ZNF135: variants seen among roughly 807,000 people sequenced by gnomAD.
ZNF135 encodes zinc finger protein 135.
Under a neutral mutation model 12.3 loss-of-function variants are expected in ZNF135, and 11 were observed. The ratio of observed to expected loss-of-function variants is 0.89; its 90% confidence interval spans 0.56 to 1.48. The LOEUF is 1.48. Among genes scored for constraint, ZNF135 ranks in the 40% most tolerant of loss-of-function variants. The pLI is 0.00. For synonymous variants in ZNF135, 316 were observed against 312.0 expected, an observed-to-expected ratio of 1.01 and a Z score of -0.14; for missense variants, 722 against 815.7, an observed-to-expected ratio of 0.89 and a Z score of 1.40.
intron 3 of ZNF135, among the ~76,000 whole-genome samples, chr19:58,062,453 G>A (rs2073997554): frequency 6.6e-6 from 1 of 152,070 alleles, no homozygotes; most frequent in South Asian, 2.1e-4. Context: ...TGCGATCTCG[G>A]CTCACTGCAA....
Position 58,068,535 on chromosome 19 carries a change from C to G in ZNF135, c.*74C>G, listed in dbSNP as rs2074118768. 3 of 1,523,524 alleles carry G rather than the reference C, an allele frequency of 2.0e-6. No individual in the cohort carries two copies. Among genetic ancestry groups the G allele is most frequent in the South Asian group, 2.5e-5 (2 of 80,014 alleles). 94.4% of individuals were successfully genotyped at this position (1,523,524 alleles called of 1,614,324 possible). The stretch of plus-strand genomic sequence containing the variant: ...CATCCCTTTCTAGATTTGACCCAAT[C>G]ATACACATGAGAAACGTACATTCAT... On this transcript the variant is annotated 3_prime_UTR_variant, in exon 5 of 5. Transcript: ENST00000313434.
rs2074072391 is a variant in ZNF135 at position 58,066,724 on chromosome 19, G to A, written c.257-17G>A. ...GAACAGAGATTAAGGGACATTTCCA[G>A]TTTTTGCTTCTTTCAGACTTGGAAA... On this transcript the variant is annotated splice_polypyrimidine_tract_variant and intron_variant, in intron 4 of 4. Transcript: ENST00000313434. 7 of 1,612,790 alleles carry A rather than the reference G, an allele frequency of 4.3e-6. No homozygotes were observed. The East Asian group carries it at 1.6e-4, about 36-fold the overall frequency.
chr19:58,066,491 C>T (rs2074067893), intron 4 of ZNF135, among the ~76,000 whole-genome samples: 1 of 152,026 alleles, frequency 6.6e-6, no homozygotes, highest in Non-Finnish European at 1.5e-5. Flanking sequence ...TTTTTTCCTC[C>T]CTCTCCTCTT....
rs779022901 is a variant in ZNF135, at chr19:58,068,481, G to A, written c.*20G>A. On this transcript the variant is annotated 3_prime_UTR_variant, in exon 5 of 5. Transcript: ENST00000313434. ...GGATAAACCCACTCCACATGTGCTG[G>A]GGACATAGGAAGACCTTAAGCCATA... 1.4e-5 allele frequency: 22 copies of A among 1,608,452 alleles called. No individual in the cohort carries two copies. The highest frequency in any genetic ancestry group is 3.4e-6 in the Non-Finnish European group (4 of 1,177,024).
At chr19:58,066,613 G>T (rs564706409) in intron 4 of ZNF135, 128 bp from the exon 5 acceptor site, 225 of 1,301,294 alleles carry the variant, frequency 1.7e-4, no homozygotes, top group Non-Finnish European at 1.8e-4. Context: ...ATTTTTAAAT[G>T]GTCAAAGCCA....
chr19:58,060,253 C>T lies in ZNF135; in HGVS notation c.33+218C>T, dbSNP rs1260463797. ...CGCGCACCTGGCCTCTACTGGTGCC[C>T]GGCCTCTACTCGTGCCCGGCCTCTA... On this transcript the variant is annotated intron_variant, in intron 2 of 4. Transcript: ENST00000313434. The surrounding 1 kb of genome is among the most constrained non-coding windows in gnomAD (Gnocchi z 4.9). 1.5e-5 allele frequency: 5 copies of T among 328,512 alleles called. No homozygotes were observed. Among genetic ancestry groups the T allele is most frequent in the Non-Finnish European group, 2.2e-5 (5 of 227,692 alleles). The allele number at this position is 328,512 out of a possible 1,614,324, so 20.3% of individuals were successfully genotyped here.
Position 58,059,916 on chromosome 19 carries a change from G to A in ZNF135, c.-34-53G>A. 1 of 1,598,882 alleles carries A rather than the reference G, an allele frequency of 6.3e-7. No individual in the cohort carries two copies. Among genetic ancestry groups the A allele is most frequent in the South Asian group, 1.1e-5 (1 of 90,440 alleles). ...CTCTGGCGCAGTTCCCCGGCTTGGG[G>A]ACCTGAGCACCGCCTCTGCCTGCCC... On this transcript the variant is annotated intron_variant, in intron 1 of 4. Coordinates refer to ENST00000313434, the MANE Select transcript of ZNF135 (RefSeq NM_001289401.2). The surrounding 1 kb of genome is among the most constrained non-coding windows in gnomAD (Gnocchi z 6.5).
chr19:58,066,214 T>G (rs1244586161), intron 4 of ZNF135, among the ~76,000 whole-genome samples: 1 of 152,192 alleles, frequency 6.6e-6, no homozygotes, highest in East Asian at 1.9e-4. Context: ...TGGGGAGCAG[T>G]TAGGTTCCTT....
chr19:58,061,762 C>T, intron 3 of ZNF135, 56 bp downstream of exon 3: 4 of 1,547,758 alleles, frequency 2.6e-6, no homozygotes, highest in Non-Finnish European at 2.6e-6. Flanking sequence ...GATTCTGATT[C>T]TACCAGGTTA....
rs1218494195 is a variant in ZNF135 at position 58,061,820 on chromosome 19, T to A, written c.160+114T>A. The A allele has an allele frequency of 2.9e-6, 4 of 1,360,632 alleles. No individual in the cohort carries two copies. The African/African-American group carries it at 6.0e-5, about 20-fold the overall frequency. 84.3% of individuals were successfully genotyped at this position (1,360,632 alleles called of 1,614,324 possible). On this transcript the variant is annotated intron_variant, in intron 3 of 4. Transcript: ENST00000313434. Reference sequence around the variant, plus strand: ...AAAAGCAAATGCCTGGGGCTGTATGTCTTGGGCTTTAAGAACCTGACTGTT... The same window carrying A: ...AAAAGCAAATGCCTGGGGCTGTATGACTTGGGCTTTAAGAACCTGACTGTT...
Position 58,067,831 on chromosome 19 carries a change from C to T in ZNF135, c.1347C>T (p.His449=). Residue 449 remains histidine (H), a synonymous_variant, in exon 5 of 5, where the codon CAC becomes CAT. Coordinates refer to ENST00000313434, the MANE Select transcript of ZNF135 (RefSeq NM_001289401.2). ...ACGAGTGTGGGAAAACCTTCAGCCACAGCTCCTCACTCAGCCAGCATGAGC... is the reference window on the plus strand; with the variant it reads ...ACGAGTGTGGGAAAACCTTCAGCCATAGCTCCTCACTCAGCCAGCATGAGC... ...GCNECGKTFS[H]SSSLSQHERT... is the part of the protein sequence containing the mutation. 6.2e-7 allele frequency: 1 copy of T among 1,611,874 alleles called. No homozygotes were observed. The highest frequency in any genetic ancestry group is 8.5e-7 in the Non-Finnish European group (1 of 1,179,376).
chr19:58,059,354 CCGGGCCGGG>C lies in ZNF135; in HGVS notation c.-35+46_-35+54del, dbSNP rs2073924711. 8.8e-7 allele frequency: 1 copy of C among 1,132,338 alleles called. No individual in the cohort carries two copies. Among genetic ancestry groups the C allele is most frequent in the Non-Finnish European group, 1.2e-6 (1 of 838,842 alleles). 70.1% of individuals were successfully genotyped at this position (1,132,338 alleles called of 1,614,324 possible). A position where few individuals can be genotyped will look rare whatever the true frequency, so the allele number is the denominator to read the frequency against. On this transcript the variant is annotated intron_variant, in intron 1 of 4. Coordinates refer to ENST00000313434, the MANE Select transcript of ZNF135 (RefSeq NM_001289401.2). This position sits in a 1 kb window ranked among gnomAD's most constrained non-coding sequence, Gnocchi z 6.5. ...GAGGGGGAGGGGAGGCCAGGCCGGGCCGGGCCGGGCCGGGTGCGGGGGGTCCGGGGATCT... is the reference window on the plus strand; with the variant it reads ...GAGGGGGAGGGGAGGCCAGGCCGGGCCCGGGTGCGGGGGGTCCGGGGATCT...
Position 58,060,428 on chromosome 19 carries a change from G to A in ZNF135, c.33+393G>A. 1 of 1,144,446 alleles carries A rather than the reference G, an allele frequency of 8.7e-7. No individual in the cohort carries two copies. The highest frequency in any genetic ancestry group is 1.1e-6 in the Non-Finnish European group (1 of 924,776). 70.9% of individuals were successfully genotyped at this position (1,144,446 alleles called of 1,614,324 possible). The stretch of plus-strand genomic sequence containing the variant: ...GCGGGCACGGGTCCCTGTCTGAGTG[G>A]GCTTTATGTTTGTGCGGCCGTCATT... On this transcript the variant is annotated intron_variant, in intron 2 of 4. Coordinates refer to ENST00000313434, the MANE Select transcript of ZNF135 (RefSeq NM_001289401.2). This position sits in a 1 kb window ranked among gnomAD's most constrained non-coding sequence, Gnocchi z 4.9.
In ZNF135 at chr19:58,059,868, G is replaced by A; in HGVS notation, c.-34-101G>A. On this transcript the variant is annotated intron_variant, in intron 1 of 4. Coordinates refer to ENST00000313434, the MANE Select transcript of ZNF135 (RefSeq NM_001289401.2). This position sits in a 1 kb window ranked among gnomAD's most constrained non-coding sequence, Gnocchi z 6.5. Reference sequence around the variant, plus strand: ...TAAACGGGTACGCGGGGCCCTGGACGGCTCTCCGCGGAGCTCCCCAGGCTC... The same window carrying A: ...TAAACGGGTACGCGGGGCCCTGGACAGCTCTCCGCGGAGCTCCCCAGGCTC... 4.9e-6 allele frequency: 7 copies of A among 1,417,578 alleles called. No individual in the cohort carries two copies. The highest frequency in any genetic ancestry group is 3.8e-5 in the South Asian group (3 of 78,562). 87.8% of individuals were successfully genotyped at this position (1,417,578 alleles called of 1,614,324 possible).
chr19:58,067,087 A>G lies in ZNF135; in HGVS notation c.603A>G (p.Leu201=), dbSNP rs1233276124. The part of the protein sequence containing the change: ...GTRGKREKPD[L]NVLQKTCVKE... ...GTGGAAAAAGGGAGAAGCCAGACCT[A>G]AATGTTTTACAGAAAACCTGTGTAA... The change falls in exon 5 of 5, where the codon CTA becomes CTG. Residue 201 remains leucine (L), a synonymous_variant. Transcript: ENST00000313434. 6.2e-7 allele frequency: 1 copy of G among 1,614,206 alleles called. No homozygotes were observed. Among genetic ancestry groups the G allele is most frequent in the East Asian group, 2.2e-5 (1 of 44,886 alleles).
chr19:58,066,879 A>T lies in ZNF135; in HGVS notation c.395A>T (p.His132Leu). 2 of 1,614,198 alleles carry T rather than the reference A, an allele frequency of 1.2e-6. No homozygotes were observed. The highest frequency in any genetic ancestry group is 1.7e-6 in the Non-Finnish European group (2 of 1,180,030). ...WYCRGEDTEG[H>L]WEWSCESLES... ...TGCAGGGGTGAGGACACTGAGGGCC[A>T]CTGGGAATGGAGTTGTGAGAGTCTA... is the stretch of plus-strand genomic sequence containing the variant. Residue 132 changes from histidine (H) to leucine (L), a missense_variant, in exon 5 of 5, where the codon CAC becomes CTC. By Grantham distance (99) the His-to-Leu change is moderately conservative. Transcript: ENST00000313434.
rs2074087100 is a variant in ZNF135 at position 58,067,295 on chromosome 19, A to G, written c.811A>G (p.Lys271Glu). Residue 271 changes from lysine (K) to glutamate (E), a missense_variant, in exon 5 of 5, where the codon AAA (lysine) becomes GAA (glutamate). By Grantham distance (56) the Lys-to-Glu change is moderately conservative. Transcript: ENST00000313434. ...QRIHTGEKPY[K>E]CTQCGRTFNQ... ...AATCCATACTGGGGAGAAACCCTAT[A>G]AATGCACTCAGTGTGGGAGGACCTT... The G allele has an allele frequency of 3.1e-6, 5 of 1,613,868 alleles. No homozygotes were observed. The East Asian group carries it at 1.1e-4, about 36-fold the overall frequency.
At position 58,069,740 on chromosome 19, in the gene ZNF135, G is replaced by GA. The variant is rs58067154; in HGVS notation, c.*1294dup. On this transcript the variant is annotated 3_prime_UTR_variant, in exon 5 of 5. Coordinates refer to ENST00000313434, the MANE Select transcript of ZNF135 (RefSeq NM_001289401.2). Reference sequence around the variant, plus strand: ...GCAACAAGAGTGAAACTCTGTCTCAGAAAAAAAAAAAAAAATTGCATTGGC... The same window carrying GA: ...GCAACAAGAGTGAAACTCTGTCTCAGAAAAAAAAAAAAAAAATTGCATTGGC... 0.011 allele frequency: 1,569 copies of GA among 140,812 alleles called. 19 individuals carry two copies. Among genetic ancestry groups the GA allele is most frequent in the African/African-American group, 0.023 (870 of 37,788 alleles). The allele number at this position is 140,812 out of a possible 1,614,324, so 8.7% of individuals were successfully genotyped here. A position where few individuals can be genotyped will look rare whatever the true frequency, so the allele number is the denominator to read the frequency against.
At chr19:58,061,783 G>A in intron 3 of ZNF135, 77 bp downstream of exon 3, 2 of 1,499,168 alleles carry the variant, frequency 1.3e-6, no homozygotes, top group Non-Finnish European at 8.9e-7. Flanking sequence ...AATATTTATA[G>A]GACTGAGCTT....
Sources: allele counts gnomAD v4.1 joint callset (sites outside exome capture counted in the v4.1 genomes callset), GRCh38; gene constraint gnomAD v4.1.1; non-coding constraint Gnocchi (gnomAD v3.1); transcripts MANE v1.5; gene names NCBI Gene and HGNC (gene_info 2026-07-23, HGNC 2026-07-21).